Variants in COL24A1 observed in about 807,000 individuals in gnomAD.
COL24A1 encodes the protein collagen alpha-1(XXIV) chain.
COL24A1 carries 224 observed loss-of-function variants against 253.9 expected under a neutral mutation model. The observed-to-expected ratio is 0.88, with a 90% CI of 0.79 to 0.99. The LOEUF is 0.99. Among genes scored for constraint, COL24A1 ranks in the 50% least tolerant of loss-of-function variants. COL24A1 has a pLI of 0.00. For synonymous variants in COL24A1, 685 were observed against 673.7 expected, an observed-to-expected ratio of 1.02 and a Z score of -0.26; for missense variants, 2,131 against 2,068.5, an observed-to-expected ratio of 1.03 and a Z score of -0.59.
At chr1:85,991,967 TTGTTACATA>T (rs1257530945) in intron 19 of COL24A1, among the ~76,000 whole-genome samples, 10 of 152,040 alleles carry the variant, frequency 6.6e-5, no homozygotes, top group African/African-American at 1.2e-4. Flanking sequence ...ATGTGCAGGT[TTGTTACATA>T]TGTTACATAT....
chr1:85,997,040 T>C (rs1694864398), intron 19 of COL24A1, among the ~76,000 whole-genome samples: 1 of 53,654 alleles, frequency 1.9e-5, no homozygotes. Flanking sequence ...TATATATATA[T>C]ATGTGTGTGT....
intron 32 of COL24A1, among the ~76,000 whole-genome samples, chr1:85,884,235 T>C (rs1052033759): frequency 6.6e-6 from 1 of 152,104 alleles, no homozygotes; most frequent in Non-Finnish European, 1.5e-5. Context: ...GCCTTTTACC[T>C]TGCCTTATAA....
chr1:86,039,773 A>T (rs1016325389), intron 12 of COL24A1, among the ~76,000 whole-genome samples: 1 of 152,208 alleles, frequency 6.6e-6, no homozygotes, highest in African/African-American at 2.4e-5. Context: ...ATATGAATAC[A>T]TATTACCAGG....
At chr1:85,983,772 T>C (rs1187581874) in intron 20 of COL24A1, among the ~76,000 whole-genome samples, 7 of 151,870 alleles carry the variant, frequency 4.6e-5, no homozygotes, top group Admixed American at 3.9e-4. Context: ...CCTCTGTTTC[T>C]AGAAACAATT....
chr1:85,947,116 T>G (rs1012353036), intron 24 of COL24A1, among the ~76,000 whole-genome samples: 2 of 152,220 alleles, frequency 1.3e-5, no homozygotes, highest in Non-Finnish European at 2.9e-5. Flanking sequence ...ATTTTGGCAA[T>G]TAAATCAATG....
intron 2 of COL24A1, among the ~76,000 whole-genome samples, chr1:86,129,967 A>G (rs990336938): frequency 1.3e-5 from 2 of 151,874 alleles, no homozygotes; most frequent in Non-Finnish European, 2.9e-5. Context: ...GAGATAAAGT[A>G]TCTTACCAGT....
Position 86,156,387 on chromosome 1 carries a change from T to C in COL24A1, c.10A>G (p.Arg4Gly), listed in dbSNP as rs1463220374. Residue 4 changes from arginine to glycine, a missense_variant, in exon 1 of 60, where the codon AGA becomes GGA. Coordinates refer to ENST00000370571, the MANE Select transcript of COL24A1 (RefSeq NM_152890.7). MHL[R>G]AHRTRRGKVS... The stretch of plus-strand genomic sequence containing the variant: ...TTTCCACGCCTTGTTCTGTGGGCTC[T>C]TAAATGCATTTGTATGCATTTGTCC... 1 of 1,612,296 alleles carries C rather than the reference T, an allele frequency of 6.2e-7. No individual in the cohort carries two copies. Among genetic ancestry groups the C allele is most frequent in the Non-Finnish European group, 8.5e-7 (1 of 1,179,322 alleles).
intron 47 of COL24A1, among the ~76,000 whole-genome samples, chr1:85,801,305 T>A (rs748810166): frequency 6.6e-6 from 1 of 152,204 alleles, no homozygotes; most frequent in Non-Finnish European, 1.5e-5. Context: ...GTCCTGCGAA[T>A]CTGACTTTCA....
At chr1:85,908,748 G>A in intron 26 of COL24A1, 97 bp from the exon 27 acceptor site, 1 of 484,758 alleles carries the variant, frequency 2.1e-6, no homozygotes, top group South Asian at 6.6e-5. Context: ...ATAATAAAAA[G>A]GGATAATTTG....
chr1:85,967,726 A>T (rs1252532706), intron 22 of COL24A1, among the ~76,000 whole-genome samples: 2 of 152,142 alleles, frequency 1.3e-5, no homozygotes, highest in Non-Finnish European at 2.9e-5. Flanking sequence ...TCTCATAAAG[A>T]TCACGCAACC....
chr1:85,882,217 C>G (rs910470620), intron 32 of COL24A1, among the ~76,000 whole-genome samples: 8 of 152,138 alleles, frequency 5.3e-5, no homozygotes, highest in Non-Finnish European at 1.2e-4. Context: ...GTGGCTCACG[C>G]TTGTAATCCC....
At chr1:85,958,909 C>G (rs1378068791) in intron 24 of COL24A1, among the ~76,000 whole-genome samples, 1 of 152,068 alleles carries the variant, frequency 6.6e-6, no homozygotes, top group African/African-American at 2.4e-5. Context: ...TAAATAATTG[C>G]AAGAGGTAGA....
intron 53 of COL24A1, among the ~76,000 whole-genome samples, chr1:85,771,708 ACTCC>A (rs1157174178): frequency 1.3e-5 from 2 of 151,818 alleles, no homozygotes; most frequent in Admixed American, 6.6e-5. Context: ...ACTAATTTAC[ACTCC>A]CTCCAACAGT....
Position 86,020,124 on chromosome 1 carries a change from G to A in COL24A1, c.2256+2116C>T, listed in dbSNP as rs1474901319. ...ACTCTGTCGCTCAAGCTGGAGTCCA[G>A]TGGCGCAATCTTGACTTACTGCAAC... is the stretch of plus-strand genomic sequence containing the variant. On this transcript the variant is annotated intron_variant, in intron 18 of 59. Transcript: ENST00000370571. 2.3e-5 allele frequency among the ~76,000 whole-genome samples: 3 copies of A among 128,890 alleles called. No homozygotes were observed. In the Admixed American group the frequency reaches 3.0e-4, roughly 13 times the overall value. The allele number at this position is 128,890 out of a possible 152,430, so 84.6% of individuals were successfully genotyped here.
At chr1:86,149,751 T>C (rs1014922059) in intron 1 of COL24A1, among the ~76,000 whole-genome samples, 2 of 152,222 alleles carry the variant, frequency 1.3e-5, no homozygotes, top group Admixed American at 6.5e-5. Context: ...AGTCCATTCC[T>C]GGTGTGAGGC....
chr1:86,113,121 ATAAAT>A (rs1051768670), intron 4 of COL24A1, among the ~76,000 whole-genome samples: 2 of 152,350 alleles, frequency 1.3e-5, no homozygotes, highest in African/African-American at 4.8e-5. Flanking sequence ...TGCATCACTG[ATAAAT>A]TATATAATCT....
At chr1:85,869,917 G>C (rs1393225048) in intron 35 of COL24A1, among the ~76,000 whole-genome samples, 3 of 152,292 alleles carry the variant, frequency 2.0e-5, no homozygotes, top group African/African-American at 4.8e-5. Context: ...TGGATAAAGA[G>C]TCAAGACCCA....
chr1:86,041,610 T>C (rs1349637037), intron 12 of COL24A1, among the ~76,000 whole-genome samples: 2 of 152,092 alleles, frequency 1.3e-5, no homozygotes, highest in African/African-American at 4.8e-5. Context: ...GTATAAGAAA[T>C]CTAAAGTTAT....
chr1:85,855,091 T>C (rs1678273716), intron 37 of COL24A1, among the ~76,000 whole-genome samples: 1 of 152,226 alleles, frequency 6.6e-6, no homozygotes, highest in Non-Finnish European at 1.5e-5. Context: ...TTTTGTATTC[T>C]GAAACTTTGC....
Sources: allele counts gnomAD v4.1 joint callset (sites outside exome capture counted in the v4.1 genomes callset), GRCh38; gene constraint gnomAD v4.1.1; transcripts MANE v1.5; gene names NCBI Gene and HGNC (gene_info 2026-07-23, HGNC 2026-07-21).